Variants in GPC1 observed in about 807,000 individuals in gnomAD.
The protein encoded by GPC1 is glypican 1.
A neutral mutation model predicts 51.5 loss-of-function variants in GPC1; 26 were observed. That is an observed-to-expected ratio of 0.50 (90% confidence interval 0.37 to 0.70). GPC1 has a LOEUF of 0.70. GPC1 is among the 30% of genes least tolerant of loss of function. GPC1 has a pLI of 0.00. For synonymous variants in GPC1, 380 were observed against 348.3 expected, an observed-to-expected ratio of 1.09 and a Z score of -1.01; for missense variants, 775 against 800.5, an observed-to-expected ratio of 0.97 and a Z score of 0.38.
Position 240,456,295 on chromosome 2 carries a change from G to C in GPC1, c.167-2735G>C, listed in dbSNP as rs563388047. On this transcript the variant is annotated intron_variant, in intron 1 of 8. Coordinates refer to ENST00000264039, the MANE Select transcript of GPC1 (RefSeq NM_002081.3). The stretch of plus-strand genomic sequence containing the variant: ...CGGGCCTCACCTCTCCATGCCTCTC[G>C]TCAGCCTCTCCCGTCTGCGTGGTGG... Among the ~76,000 whole-genome samples, 18 of 152,166 alleles carry C rather than the reference G, an allele frequency of 1.2e-4. No individual in the cohort carries two copies. The South Asian group carries it at 2.9e-3, about 25-fold the overall frequency.
At chr2:240,440,375 C>T (rs1419357352) in intron 1 of GPC1, among the ~76,000 whole-genome samples, 1 of 152,188 alleles carries the variant, frequency 6.6e-6, no homozygotes. Flanking sequence ...CCTCTTAGGG[C>T]CAGATCTGGC....
At position 240,455,949 on chromosome 2, in the gene GPC1, G is replaced by A. The variant is rs909132908; in HGVS notation, c.167-3081G>A. On this transcript the variant is annotated intron_variant, in intron 1 of 8. Transcript: ENST00000264039. The stretch of plus-strand genomic sequence containing the variant: ...GGGGCCGCCTCGATCCAGCCTGCCC[G>A]AGGCTCCCAGGCCTTCGCCCGCCTT... 3.2e-4 allele frequency: 126 copies of A among 398,894 alleles called. 1 individual carries two copies. The highest frequency in any genetic ancestry group is 2.0e-3 in the South Asian group (115 of 56,640). 24.7% of individuals were successfully genotyped at this position (398,894 alleles called of 1,614,324 possible).
chr2:240,456,633 G>C (rs1345776062), intron 1 of GPC1: 2 of 470,600 alleles, frequency 4.2e-6, no homozygotes, highest in African/African-American at 4.0e-5. Flanking sequence ...CTCCTGGTCT[G>C]GGCAGCCTGG....
intron 1 of GPC1, among the ~76,000 whole-genome samples, chr2:240,455,764 C>A (rs112491462): frequency 6.6e-6 from 1 of 152,214 alleles, no homozygotes; most frequent in Non-Finnish European, 1.5e-5. Flanking sequence ...CTTGCTTTGC[C>A]GCCCTGCAGG....
intron 1 of GPC1, among the ~76,000 whole-genome samples, chr2:240,441,362 G>T (rs1186536983): frequency 6.6e-6 from 1 of 150,722 alleles, no homozygotes; most frequent in Non-Finnish European, 1.5e-5. Flanking sequence ...GTCAGGTCTG[G>T]CCTGGGGCCC....
Position 240,435,994 on chromosome 2 carries a change from G to A in GPC1, c.76G>A (p.Ala26Thr), listed in dbSNP as rs1350689058. 7.3e-7 allele frequency: 1 copy of A among 1,377,398 alleles called. No individual in the cohort carries two copies. Among genetic ancestry groups the A allele is most frequent in the Admixed American group, 2.8e-5 (1 of 35,976 alleles). The allele number at this position is 1,377,398 out of a possible 1,614,324, so 85.3% of individuals were successfully genotyped here. Residue 26 changes from alanine (A) to threonine (T), a missense_variant, in exon 1 of 9, where the codon GCC becomes ACC. Transcript: ENST00000264039. Reference protein sequence around the residue: ...ALVACARGDPASKSRSCGEVR... With the variant: ...ALVACARGDPTSKSRSCGEVR... ...GGTCGCCTGCGCCCGCGGGGACCCG[G>A]CCAGCAAGAGCCGGAGCTGCGGCGA... is the stretch of plus-strand genomic sequence containing the variant.
chr2:240,464,919 C>T lies in GPC1; in HGVS notation c.1078C>T (p.Arg360Cys), dbSNP rs781019082. ...PQGPGPEEKR[R>C]RGKLAPRERP... Reference sequence around the variant, plus strand: ...GGGCCCCGGGCCTGAGGAGAAGCGGCGCCGGGGCAAGCTGGCCCCGCGGGA... The same window carrying T: ...GGGCCCCGGGCCTGAGGAGAAGCGGTGCCGGGGCAAGCTGGCCCCGCGGGA... The change falls in exon 6 of 9, where the codon CGC becomes TGC. Residue 360 changes from arginine (R) to cysteine (C), a missense_variant. Physicochemically the swap from Arg to Cys is radical, Grantham distance 180 (BLOSUM62 -3). Coordinates refer to ENST00000264039, the MANE Select transcript of GPC1 (RefSeq NM_002081.3). The T allele has an allele frequency of 1.7e-5, 26 of 1,551,222 alleles. No homozygotes were observed. The highest frequency in any genetic ancestry group is 1.4e-4 in the Admixed American group (7 of 51,152).
intron 1 of GPC1, among the ~76,000 whole-genome samples, chr2:240,455,334 A>G (rs2074148105): frequency 6.6e-6 from 1 of 152,194 alleles, no homozygotes; most frequent in South Asian, 2.1e-4. Context: ...GGCTACAGCA[A>G]CTTCAGCCCA....
intron 1 of GPC1, chr2:240,449,916 A>G (rs776484834): frequency 2.1e-6 from 1 of 470,422 alleles, no homozygotes; most frequent in South Asian, 1.5e-5. Context: ...ATTCCATTGT[A>G]TGCACCTACA....
intron 1 of GPC1, chr2:240,449,383 T>C (rs58727534): frequency 0.049 from 6,871 of 139,346 alleles, 172 homozygotes; most frequent in African/African-American, 0.066. Flanking sequence ...ACGAGGTACA[T>C]GGGAATTTCA....
intron 2 of GPC1, among the ~76,000 whole-genome samples, chr2:240,461,952 C>T (rs2074219440): frequency 6.6e-6 from 1 of 152,072 alleles, no homozygotes; most frequent in African/African-American, 2.4e-5. Flanking sequence ...CAGTCAGAGG[C>T]CCTGAGACCC....
intron 3 of GPC1, among the ~76,000 whole-genome samples, 160 bp from the exon 4 acceptor site, chr2:240,463,187 G>A (rs1200289149): frequency 6.6e-6 from 1 of 152,120 alleles, no homozygotes; most frequent in African/African-American, 2.4e-5. Context: ...TGGGCTGGCA[G>A]GCCCTGCGAG....
intron 1 of GPC1, among the ~76,000 whole-genome samples, chr2:240,457,252 C>A (rs1387243879): frequency 6.6e-6 from 1 of 152,166 alleles, no homozygotes; most frequent in African/African-American, 2.4e-5. Context: ...AGAACCCCTA[C>A]CTCGGCCCTC....
Position 240,467,868 on chromosome 2 carries a change from A to C in GPC1, c.*1578A>C, listed in dbSNP as rs2151798815. On this transcript the variant is annotated 3_prime_UTR_variant, in exon 9 of 9. Transcript: ENST00000264039. ...CAGTGATGCCGGGCGCCAGGACAGC[A>C]GCACTCCCGCTGCACACAGACGGCC... 1 of 152,360 alleles carries C rather than the reference A, an allele frequency of 6.6e-6. No individual in the cohort carries two copies. The highest frequency in any genetic ancestry group is 2.4e-5 in the African/African-American group (1 of 41,566). The allele number at this position is 152,360 out of a possible 1,614,324, so 9.4% of individuals were successfully genotyped here.
chr2:240,457,934 A>C, intron 1 of GPC1: 2 of 416,232 alleles, frequency 4.8e-6, no homozygotes, highest in Non-Finnish European at 1.0e-5. Flanking sequence ...CACCCCTCTG[A>C]CCAAGCCAGG....
chr2:240,451,574 G>A (rs981014878), intron 1 of GPC1: 3 of 273,028 alleles, frequency 1.1e-5, no homozygotes, highest in African/African-American at 2.3e-5. Flanking sequence ...AGGCCTGGGG[G>A]CACGGCCTCT....
rs1296440771 is a variant in GPC1 at position 240,464,876 on chromosome 2, C to G, written c.1035C>G (p.Asn345Lys). ...TCCAGGTCATCCAGGGCTGCGGGAA[C>G]CCCAAGGTCAACCCCCAGGGCCCCG... is the stretch of plus-strand genomic sequence containing the variant. Reference protein sequence around the residue: ...LTAKVIQGCGNPKVNPQGPGP... With the variant: ...LTAKVIQGCGKPKVNPQGPGP... The change falls in exon 6 of 9, where the codon AAC becomes AAG. Residue 345 changes from asparagine to lysine, a missense_variant. Asn to Lys is a moderately conservative substitution (Grantham distance 94). Transcript: ENST00000264039. 2 of 1,555,464 alleles carry G rather than the reference C, an allele frequency of 1.3e-6. No homozygotes were observed. Among genetic ancestry groups the G allele is most frequent in the Middle Eastern group, 1.7e-4 (1 of 5,932 alleles).
intron 2 of GPC1, among the ~76,000 whole-genome samples, chr2:240,459,540 C>G (rs2074199125): frequency 6.6e-6 from 1 of 152,230 alleles, no homozygotes; most frequent in South Asian, 2.1e-4. Context: ...ATCCTGCCTG[C>G]AGCTCGTCAA....
Position 240,444,439 on chromosome 2 carries a change from G to T in GPC1, c.166+8355G>T, listed in dbSNP as rs1173218582. On this transcript the variant is annotated intron_variant, in intron 1 of 8. Coordinates refer to ENST00000264039, the MANE Select transcript of GPC1 (RefSeq NM_002081.3). Reference sequence around the variant, plus strand: ...TCCTGAGCCCCGTCCTCACCCGCTGGTCCATCCTGGGGTGATGGATCTGGC... The same window carrying T: ...TCCTGAGCCCCGTCCTCACCCGCTGTTCCATCCTGGGGTGATGGATCTGGC... Among the ~76,000 whole-genome samples, 6 of 152,198 alleles carry T rather than the reference G, an allele frequency of 3.9e-5. No individual in the cohort carries two copies. The East Asian group carries it at 1.2e-3, about 29-fold the overall frequency.
Sources: gnomAD v4.1 joint callset for allele counts (sites outside exome capture counted in the v4.1 genomes callset) on GRCh38, gnomAD v4.1.1 for gene constraint, MANE v1.5 for transcripts, NCBI Gene and HGNC (gene_info 2026-07-23, HGNC 2026-07-21) for gene names.